The following TRDN variants were observed in gnomAD, a reference collection of about 807,000 sequenced individuals.
TRDN encodes triadin.
Under a neutral mutation model 149.7 loss-of-function variants are expected in TRDN, and 161 were observed. That is an observed-to-expected ratio of 1.08 (90% CI 0.95 to 1.23). TRDN has a LOEUF of 1.23. Among genes scored for constraint, TRDN ranks in the 50% most tolerant of loss-of-function variants. The pLI, the probability that TRDN is intolerant of heterozygous loss-of-function variation, is 0.00. For missense variants in TRDN, 896 were observed against 823.5 expected (o/e 1.09, Z -1.08); for synonymous variants, 294 against 250.5 (o/e 1.17, Z -1.64).
chr6:123,315,962 C>T (rs1200519215), intron 24 of TRDN, among the ~76,000 whole-genome samples: 1 of 151,848 alleles, frequency 6.6e-6, no homozygotes, highest in Non-Finnish European at 1.5e-5. Context: ...AATATTTGCA[C>T]ATTTAATTGT....
chr6:123,309,747 T>C (rs751642174), intron 24 of TRDN, among the ~76,000 whole-genome samples: 3 of 151,952 alleles, frequency 2.0e-5, no homozygotes, highest in Non-Finnish European at 2.9e-5. Context: ...ATGAACTGTG[T>C]TGTGTAAAAA....
rs1443094358 is a variant in TRDN at position 123,366,157 on chromosome 6, A to G, written c.1299T>C (p.Ile433=). 1.9e-6 allele frequency: 3 copies of G among 1,613,014 alleles called. No homozygotes were observed. Among genetic ancestry groups the G allele is most frequent in the Non-Finnish European group, 2.5e-6 (3 of 1,179,270 alleles). Residue 433 remains isoleucine, a synonymous_variant, in exon 20 of 41, where the codon ATT becomes ATC. Transcript: ENST00000334268. ...KAKTERAKEE[I]GAVSIKKAVP... is the part of the protein sequence containing the mutation. The stretch of plus-strand genomic sequence containing the variant: ...TACCTTTTTTAATTGAAACCGCACC[A>G]ATCTCCTCTTTGGCTCGTTCAGTTT...
chr6:123,357,366 G>C (rs1468586066), intron 20 of TRDN, among the ~76,000 whole-genome samples: 1 of 152,038 alleles, frequency 6.6e-6, no homozygotes, highest in East Asian at 1.9e-4. Context: ...GGAGATTTTA[G>C]GTATAGCCAA....
intron 38 of TRDN, among the ~76,000 whole-genome samples, chr6:123,236,041 C>T (rs1486600721): frequency 1.3e-5 from 2 of 152,066 alleles, no homozygotes; most frequent in South Asian, 2.1e-4. Context: ...TTTCTCTCAT[C>T]CTTCAGGAGT....
intron 12 of TRDN, among the ~76,000 whole-genome samples, chr6:123,424,561 A>G (rs1231319016): frequency 6.6e-6 from 1 of 152,166 alleles, no homozygotes; most frequent in Non-Finnish European, 1.5e-5. Flanking sequence ...GAGTGAAGCT[A>G]AAATTCAGTT....
At chr6:123,626,487 AC>A in intron 1 of TRDN, among the ~76,000 whole-genome samples, 1 of 152,064 alleles carries the variant, frequency 6.6e-6, no homozygotes, top group Non-Finnish European at 1.5e-5. Flanking sequence ...AAAAACAACA[AC>A]AAAAAAGTCA....
At chr6:123,274,909 G>C (rs940443317) in intron 26 of TRDN, among the ~76,000 whole-genome samples, 2 of 151,764 alleles carry the variant, frequency 1.3e-5, no homozygotes, top group African/African-American at 4.8e-5. Context: ...TGCCAATGAT[G>C]GACTATTAAA....
chr6:123,468,814 A>G (rs1776988077), intron 9 of TRDN: 1 of 152,186 alleles, frequency 6.6e-6, no homozygotes, highest in African/African-American at 2.4e-5. Context: ...TTTATGTCAT[A>G]GACCCTCATT....
At chr6:123,387,530 T>G (rs1016480185) in intron 14 of TRDN, among the ~76,000 whole-genome samples, 1 of 152,136 alleles carries the variant, frequency 6.6e-6, no homozygotes, top group African/African-American at 2.4e-5. Context: ...TTACCATTGT[T>G]TATCCTCTAG....
chr6:123,350,467 G>T, intron 21 of TRDN: 1 of 560,720 alleles, frequency 1.8e-6, no homozygotes, highest in Non-Finnish European at 2.3e-6. Context: ...ATATTTCAAT[G>T]AATTATAAAC....
At chr6:123,376,677 C>G (rs890409509) in intron 18 of TRDN, among the ~76,000 whole-genome samples, 3 of 152,062 alleles carry the variant, frequency 2.0e-5, no homozygotes, top group African/African-American at 7.2e-5. Context: ...CAGATTTGGG[C>G]TGTCTCAGGA....
intron 21 of TRDN, chr6:123,352,162 G>A: frequency 1.0e-6 from 1 of 982,856 alleles, no homozygotes; most frequent in South Asian, 4.7e-5. Flanking sequence ...GCATGTATAG[G>A]ATTGGGCCAT....
intron 9 of TRDN, among the ~76,000 whole-genome samples, chr6:123,484,839 A>G (rs1051716700): frequency 6.6e-6 from 1 of 152,212 alleles, no homozygotes; most frequent in Non-Finnish European, 1.5e-5. Context: ...TAGAGGATGT[A>G]AAGTAATATG....
chr6:123,529,713 T>C (rs1187405325), intron 5 of TRDN, among the ~76,000 whole-genome samples: 1 of 152,042 alleles, frequency 6.6e-6, no homozygotes, highest in African/African-American at 2.4e-5. Flanking sequence ...ATAAATTATC[T>C]CATTTTCTGT....
At chr6:123,592,679 C>T (rs1389259043) in intron 1 of TRDN, among the ~76,000 whole-genome samples, 2 of 152,114 alleles carry the variant, frequency 1.3e-5, no homozygotes, top group African/African-American at 2.4e-5. Context: ...TTTGACTAAG[C>T]TTATTCAAGC....
At chr6:123,536,508 G>C (rs997603601) in intron 4 of TRDN, among the ~76,000 whole-genome samples, 2 of 151,738 alleles carry the variant, frequency 1.3e-5, no homozygotes, top group African/African-American at 4.8e-5. Flanking sequence ...AGGGAAAGTT[G>C]CAAGATTTTA....
At chr6:123,536,526 T>C (rs1583206378) in intron 4 of TRDN, among the ~76,000 whole-genome samples, 1 of 151,866 alleles carries the variant, frequency 6.6e-6, no homozygotes, top group Admixed American at 6.6e-5. Flanking sequence ...TTACTACTTA[T>C]GGAAATAAGA....
rs1414414625 is a variant in TRDN at position 123,216,588 on chromosome 6, A to G, written c.*2013T>C. The G allele has an allele frequency of 6.6e-6, 1 of 151,852 alleles. No individual in the cohort carries two copies. The highest frequency in any genetic ancestry group is 6.6e-5 in the Admixed American group (1 of 15,192). 9.4% of individuals were successfully genotyped at this position (151,852 alleles called of 1,614,324 possible). A position where few individuals can be genotyped will look rare whatever the true frequency, so the allele number is the denominator to read the frequency against. ...TAGTCAGAGGAAAAACTAGTGCCAT[A>G]CCCAAAAGTATTACTTCAGAAATTT... On this transcript the variant is annotated 3_prime_UTR_variant, in exon 41 of 41. Coordinates refer to ENST00000334268, the MANE Select transcript of TRDN (RefSeq NM_006073.4).
chr6:123,286,489 G>T (rs1777809064), intron 24 of TRDN, among the ~76,000 whole-genome samples: 1 of 151,920 alleles, frequency 6.6e-6, no homozygotes, highest in Admixed American at 6.6e-5. Context: ...GGATGCAATG[G>T]CATAAGAATG....
Sources: gnomAD v4.1 joint callset for allele counts (sites outside exome capture counted in the v4.1 genomes callset) on GRCh38, gnomAD v4.1.1 for gene constraint, MANE v1.5 for transcripts, NCBI Gene and HGNC (gene_info 2026-07-23, HGNC 2026-07-21) for gene names.